The following TLN2 variants were observed in gnomAD, a reference collection of about 807,000 sequenced individuals.
The protein encoded by TLN2 is talin-2.
Under a neutral mutation model 294.7 loss-of-function variants are expected in TLN2, and 118 were observed. The ratio of observed to expected loss-of-function variants is 0.40; its 90% CI spans 0.34 to 0.47. The LOEUF is 0.47. TLN2 is among the 20% of genes least tolerant of loss of function. The pLI is 0.84. For synonymous variants in TLN2, 1,431 were observed against 1,304.5 expected, an observed-to-expected ratio of 1.10 and a Z score of -2.09; for missense variants, 3,083 against 3,282.2, an observed-to-expected ratio of 0.94 and a Z score of 1.48.
intron 23 of TLN2, among the ~76,000 whole-genome samples, chr15:62,716,861 G>A (rs2059807910): frequency 6.6e-6 from 1 of 152,098 alleles, no homozygotes; most frequent in Admixed American, 6.5e-5. Flanking sequence ...AGGTATAGAA[G>A]GGAGTGAAAT....
At chr15:62,835,640 G>A (rs2069442806) in intron 55 of TLN2, 97 bp from the exon 56 acceptor site, 1 of 1,358,074 alleles carries the variant, frequency 7.4e-7, no homozygotes, top group Non-Finnish European at 1.1e-6. Flanking sequence ...CACCAAGCGG[G>A]GTACAAGTCT....
At chr15:62,662,645 C>T (rs545282448) in intron 9 of TLN2, among the ~76,000 whole-genome samples, 3 of 152,234 alleles carry the variant, frequency 2.0e-5, no homozygotes, top group Non-Finnish European at 4.4e-5. Context: ...ACTGGAGATA[C>T]AGCAGTGAAA....
intron 3 of TLN2, among the ~76,000 whole-genome samples, chr15:62,642,371 G>A (rs961341023): frequency 6.6e-6 from 1 of 152,316 alleles, no homozygotes; most frequent in East Asian, 1.9e-4. Flanking sequence ...GAAGTTTCAC[G>A]CAGTCAAACT....
At chr15:62,684,375 C>T (rs2057115302) in intron 11 of TLN2, among the ~76,000 whole-genome samples, 3 of 152,212 alleles carry the variant, frequency 2.0e-5, no homozygotes, top group Admixed American at 2.0e-4. Flanking sequence ...CAAGCTAAAA[C>T]TCTGTGTGGC....
intron 1 of TLN2, among the ~76,000 whole-genome samples, chr15:62,577,059 A>T (rs2044481326): frequency 6.6e-6 from 1 of 152,224 alleles, no homozygotes; most frequent in Non-Finnish European, 1.5e-5. Flanking sequence ...TGCAACAGGG[A>T]TCAGATAGAG....
rs1393780929 is a variant in TLN2 at position 62,752,348 on chromosome 15, C to T, written c.4253C>T (p.Thr1418Ile). 1.2e-6 allele frequency: 2 copies of T among 1,614,106 alleles called. No individual in the cohort carries two copies. Among genetic ancestry groups the T allele is most frequent in the South Asian group, 2.2e-5 (2 of 91,058 alleles). ...GCAGGGATTTCACAGAATGCCAAGA[C>T]CGGAGACCTCCCTGCCTTTGGGGAA... ...SMAGISQNAK[T>I]GDLPAFGECV... Residue 1418 changes from threonine to isoleucine, a missense_variant, in exon 35 of 59, where the codon ACC becomes ATC. Transcript: ENST00000636159.
At chr15:62,598,683 G>T (rs2046748885) in intron 2 of TLN2, among the ~76,000 whole-genome samples, 1 of 151,714 alleles carries the variant, frequency 6.6e-6, no homozygotes, top group Non-Finnish European at 1.5e-5. Context: ...AGTTATTTTG[G>T]AAGGAAATTT....
At chr15:62,569,827 A>C (rs2043717510) in intron 1 of TLN2, among the ~76,000 whole-genome samples, 1 of 152,218 alleles carries the variant, frequency 6.6e-6, no homozygotes, top group Non-Finnish European at 1.5e-5. Flanking sequence ...TTTAATTCAA[A>C]TGAGAAGCTA....
At chr15:62,444,326 A>G (rs2035706725) in intron 1 of TLN2, among the ~76,000 whole-genome samples, 1 of 152,262 alleles carries the variant, frequency 6.6e-6, no homozygotes, top group Non-Finnish European at 1.5e-5. Flanking sequence ...CCATATCTTC[A>G]GATGACTTCA....
At chr15:62,672,786 G>T (rs1262730988) in intron 9 of TLN2, among the ~76,000 whole-genome samples, 2 of 152,074 alleles carry the variant, frequency 1.3e-5, no homozygotes, top group African/African-American at 2.4e-5. Context: ...GGGTTGGGGG[G>T]TGGTGTCGGG....
chr15:62,399,256 CAAAAAAA>C (rs546678440), intron 1 of TLN2, among the ~76,000 whole-genome samples: 12 of 58,434 alleles, frequency 2.1e-4, no homozygotes, highest in African/African-American at 3.0e-4. Flanking sequence ...CCGTCTCAAA[CAAAAAAA>C]AAAAAAAAAA....
chr15:62,818,552 T>TA (rs1489401718), intron 52 of TLN2, among the ~76,000 whole-genome samples: 1 of 152,200 alleles, frequency 6.6e-6, no homozygotes, highest in Non-Finnish European at 1.5e-5. Flanking sequence ...TACCTTTTTT[T>TA]AAATCCATAA....
At chr15:62,753,096 G>A (rs1296622899) in intron 35 of TLN2, among the ~76,000 whole-genome samples, 2 of 152,122 alleles carry the variant, frequency 1.3e-5, no homozygotes, top group Non-Finnish European at 2.9e-5. Flanking sequence ...CCTATGCACA[G>A]ATTCATTTTT....
At chr15:62,790,737 G>A (rs2065014312) in intron 45 of TLN2, among the ~76,000 whole-genome samples, 1 of 152,154 alleles carries the variant, frequency 6.6e-6, no homozygotes, top group Non-Finnish European at 1.5e-5. Flanking sequence ...ACTTTAATGG[G>A]GTATACCCCT....
intron 1 of TLN2, among the ~76,000 whole-genome samples, chr15:62,454,625 T>G (rs758967566): frequency 1.3e-5 from 2 of 152,152 alleles, no homozygotes; most frequent in Non-Finnish European, 2.9e-5. Flanking sequence ...GCCCCATCCT[T>G]CCGTGAGTCC....
At chr15:62,601,413 C>T (rs555530394) in intron 2 of TLN2, among the ~76,000 whole-genome samples, 1 of 152,270 alleles carries the variant, frequency 6.6e-6, no homozygotes, top group East Asian at 1.9e-4. Flanking sequence ...TTCCTCTCTT[C>T]CTTGTATTTT....
intron 1 of TLN2, among the ~76,000 whole-genome samples, 155 bp downstream of exon 1, chr15:62,390,840 A>G (rs934854913): frequency 1.3e-5 from 2 of 151,790 alleles, no homozygotes; most frequent in African/African-American, 4.8e-5. Flanking sequence ...TGCAGGAAAA[A>G]CCCGTAAAGC....
chr15:62,552,590 G>A (rs2042385066), intron 1 of TLN2, among the ~76,000 whole-genome samples: 1 of 152,272 alleles, frequency 6.6e-6, no homozygotes, highest in East Asian at 1.9e-4. Flanking sequence ...TTTAAAATGA[G>A]CCCCTGGTGT....
intron 1 of TLN2, among the ~76,000 whole-genome samples, chr15:62,443,910 G>T (rs956437652): frequency 1.3e-5 from 2 of 152,112 alleles, no homozygotes; most frequent in Admixed American, 6.6e-5. Flanking sequence ...GAGGTGGGAG[G>T]ATCCCTTGAG....
Sources: gnomAD v4.1 joint callset for allele counts (sites outside exome capture counted in the v4.1 genomes callset) on GRCh38, gnomAD v4.1.1 for gene constraint, MANE v1.5 for transcripts, NCBI Gene and HGNC (gene_info 2026-07-23, HGNC 2026-07-21) for gene names.